OPCML: variants seen among roughly 807,000 people sequenced by gnomAD.
OPCML encodes the protein opioid-binding protein/cell adhesion molecule.
A neutral mutation model predicts 37.8 loss-of-function variants in OPCML; 13 were observed. The ratio of observed to expected loss-of-function variants is 0.34; its 90% CI spans 0.22 to 0.55. OPCML has a LOEUF of 0.55. Ranked by LOEUF, OPCML falls within the 20% of genes least tolerant of loss-of-function variation. OPCML has a pLI of 0.91. For synonymous variants in OPCML, 176 were observed against 168.8 expected, an observed-to-expected ratio of 1.04 and a Z score of -0.33; for missense variants, 341 against 435.6, an observed-to-expected ratio of 0.78 and a Z score of 1.93.
intron 2 of OPCML, among the ~76,000 whole-genome samples, chr11:132,902,963 A>C (rs1439308611): frequency 6.6e-6 from 1 of 151,846 alleles, no homozygotes; most frequent in African/African-American, 2.4e-5. Context: ...TCACCTTTGC[A>C]CCACCTCCCC....
chr11:133,183,669 A>G (rs993979406), intron 1 of OPCML, among the ~76,000 whole-genome samples: 2 of 152,218 alleles, frequency 1.3e-5, no homozygotes, highest in African/African-American at 4.8e-5. Context: ...TTTAAGAGAT[A>G]CAAAGGATTA....
intron 1 of OPCML, among the ~76,000 whole-genome samples, chr11:133,450,766 A>G (rs1946565137): frequency 6.6e-6 from 1 of 151,612 alleles, no homozygotes; most frequent in Non-Finnish European, 1.5e-5. Flanking sequence ...TGGTGGTCCT[A>G]TTGGAGTGAC....
intron 1 of OPCML, among the ~76,000 whole-genome samples, chr11:133,289,302 T>G (rs1484983320): frequency 1.3e-5 from 2 of 152,132 alleles, no homozygotes; most frequent in Non-Finnish European, 2.9e-5. Flanking sequence ...ATTTTAAAAT[T>G]GACATATTAG....
At position 133,484,451 on chromosome 11, in the gene OPCML, T is replaced by C. The variant is rs563687403; in HGVS notation, c.61+47813A>G. Among the ~76,000 whole-genome samples the C allele has an allele frequency of 3.9e-5, 6 of 152,138 alleles. No homozygotes were observed. In the East Asian group the frequency reaches 7.7e-4, roughly 20 times the overall value. ...AGAGAACTGAGATAAAAAGGAGGGA[T>C]TGGCAGATGCACACCTAGAAGTGAC... is the stretch of plus-strand genomic sequence containing the variant. On this transcript the variant is annotated intron_variant, in intron 1 of 7. Coordinates refer to ENST00000524381, the MANE Select transcript of OPCML (RefSeq NM_001012393.5).
chr11:132,732,051 G>A (rs1379353112), intron 2 of OPCML, among the ~76,000 whole-genome samples: 3 of 152,200 alleles, frequency 2.0e-5, no homozygotes, highest in Admixed American at 2.0e-4. Flanking sequence ...AGAACACTGT[G>A]TCCAAAGAGA....
chr11:132,581,007 T>C (rs2096461008), intron 3 of OPCML, among the ~76,000 whole-genome samples: 1 of 152,190 alleles, frequency 6.6e-6, no homozygotes, highest in East Asian at 1.9e-4. Context: ...CCACGTCTTA[T>C]GTACTTTGGA....
intron 2 of OPCML, among the ~76,000 whole-genome samples, chr11:132,715,453 T>C (rs1015169138): frequency 2.0e-5 from 3 of 152,172 alleles, no homozygotes; most frequent in Non-Finnish European, 2.9e-5. Context: ...CCTTGAACAA[T>C]GTATGCATCC....
At chr11:133,417,076 C>G (rs901933289) in intron 1 of OPCML, among the ~76,000 whole-genome samples, 4 of 152,212 alleles carry the variant, frequency 2.6e-5, no homozygotes, top group African/African-American at 9.6e-5. Context: ...GGCTGTGTAA[C>G]CCCCACCCCA....
Position 132,575,696 on chromosome 11 carries a change from T to G in OPCML, c.380-46510A>C, listed in dbSNP as rs548794511. Among the ~76,000 whole-genome samples, 125 of 152,244 alleles carry G rather than the reference T, an allele frequency of 8.2e-4. 2 individuals carry two copies. The South Asian group carries it at 0.025, about 31-fold the overall frequency. On this transcript the variant is annotated intron_variant, in intron 3 of 7. Transcript: ENST00000524381. ...CATTACAGTAATACAGTATTCTGTA[T>G]GTTTACATACTTACCTTTACCAATG...
chr11:132,779,046 C>T (rs771985826), intron 2 of OPCML, among the ~76,000 whole-genome samples: 1 of 143,904 alleles, frequency 6.9e-6, no homozygotes, highest in Non-Finnish European at 1.5e-5. Context: ...CCGCTCACTG[C>T]AACCTCCACC....
At chr11:133,461,044 T>C (rs1045685495) in intron 1 of OPCML, among the ~76,000 whole-genome samples, 5 of 151,862 alleles carry the variant, frequency 3.3e-5, no homozygotes, top group Non-Finnish European at 5.9e-5. Context: ...CATTATTTCA[T>C]GATGAAAACA....
At chr11:132,644,349 C>A (rs1941029914) in intron 3 of OPCML, among the ~76,000 whole-genome samples, 1 of 152,120 alleles carries the variant, frequency 6.6e-6, no homozygotes, top group Non-Finnish European at 1.5e-5. Flanking sequence ...CTGCTTTTAA[C>A]TAACAAAAAC....
intron 1 of OPCML, among the ~76,000 whole-genome samples, chr11:133,261,957 C>T (rs373972548): frequency 4.6e-5 from 7 of 152,124 alleles, no homozygotes; most frequent in South Asian, 2.1e-4. Context: ...TGATCTCATC[C>T]GGGCACCATT....
At chr11:132,659,327 ACTGATAAGGG>A (rs1565754153) in intron 2 of OPCML, among the ~76,000 whole-genome samples, 1 of 152,206 alleles carries the variant, frequency 6.6e-6, no homozygotes, top group Non-Finnish European at 1.5e-5. Context: ...GTTGCAAATG[ACTGATAAGGG>A]GAAATATGCA....
At chr11:132,502,490 C>G (rs1243386559) in intron 4 of OPCML, among the ~76,000 whole-genome samples, 1 of 152,150 alleles carries the variant, frequency 6.6e-6, no homozygotes, top group Non-Finnish European at 1.5e-5. Flanking sequence ...TCTTAAGCTC[C>G]TGCTCTCCTT....
chr11:132,797,470 A>AC (rs1242784279), intron 2 of OPCML, among the ~76,000 whole-genome samples: 1 of 152,230 alleles, frequency 6.6e-6, no homozygotes, highest in Non-Finnish European at 1.5e-5. Flanking sequence ...CTAGAAGCAC[A>AC]CCTCAGAAAT....
intron 1 of OPCML, among the ~76,000 whole-genome samples, chr11:132,982,770 C>T (rs183307701): frequency 6.6e-6 from 1 of 152,142 alleles, no homozygotes; most frequent in Non-Finnish European, 1.5e-5. Context: ...TTATTAAACT[C>T]GGATATTTTC....
intron 2 of OPCML, among the ~76,000 whole-genome samples, chr11:132,712,198 T>C (rs904978524): frequency 6.6e-6 from 1 of 152,154 alleles, no homozygotes; most frequent in Non-Finnish European, 1.5e-5. Flanking sequence ...ATTGATTTGG[T>C]AGAGGCGAAT....
intron 1 of OPCML, among the ~76,000 whole-genome samples, chr11:132,973,371 A>T (rs1183978550): frequency 6.6e-6 from 1 of 152,160 alleles, no homozygotes; most frequent in Non-Finnish European, 1.5e-5. Flanking sequence ...TATTCCCACC[A>T]TGATGCATCT....
Sources: allele counts gnomAD v4.1 joint callset (sites outside exome capture counted in the v4.1 genomes callset), GRCh38; gene constraint gnomAD v4.1.1; transcripts MANE v1.5; gene names NCBI Gene and HGNC (gene_info 2026-07-23, HGNC 2026-07-21).